Variants in COL22A1 observed in about 807,000 individuals in gnomAD.
COL22A1 encodes collagen type XXII alpha 1 chain.
COL22A1 carries 221 observed loss-of-function variants against 248.9 expected under a neutral mutation model. The observed-to-expected ratio is 0.89, with a 90% CI of 0.80 to 0.99. The LOEUF (loss-of-function observed/expected upper bound fraction) is 0.99. Among genes scored for constraint, COL22A1 ranks in the 50% least tolerant of loss-of-function variants. COL22A1 has a pLI of 0.00. For missense variants in COL22A1, 2,240 were observed against 2,179.0 expected (o/e 1.03, Z -0.56); for synonymous variants, 891 against 793.4 (o/e 1.12, Z -2.07).
At chr8:138,694,983 T>G in intron 32 of COL22A1, 104 bp from the exon 33 acceptor site, 2 of 1,058,650 alleles carry the variant, frequency 1.9e-6, no homozygotes, top group South Asian at 3.1e-5. Context: ...TCCAGTCCTG[T>G]GTATCACCTG....
intron 23 of COL22A1, among the ~76,000 whole-genome samples, chr8:138,730,424 C>T (rs1196358470): frequency 6.6e-6 from 1 of 152,114 alleles, no homozygotes; most frequent in Non-Finnish European, 1.5e-5. Context: ...TGTGTTCTCT[C>T]TGGGGTCTTA....
chr8:138,870,928 TGTGTGTGTGG>T (rs781417215), intron 3 of COL22A1, among the ~76,000 whole-genome samples: 25 of 151,516 alleles, frequency 1.6e-4, no homozygotes, highest in Non-Finnish European at 3.7e-4. Flanking sequence ...GCACGGTGTT[TGTGTGTGTGG>T]GTGTGTGTAG....
intron 1 of COL22A1, among the ~76,000 whole-genome samples, chr8:138,902,733 T>TACACAC (rs1814690510): frequency 1.1e-5 from 1 of 91,566 alleles, no homozygotes; most frequent in African/African-American, 4.2e-5. Context: ...TAAATATATA[T>TACACAC]ATATATACAC....
At chr8:138,617,514 C>T (rs775237616) in intron 53 of COL22A1, among the ~76,000 whole-genome samples, 5 of 152,160 alleles carry the variant, frequency 3.3e-5, no homozygotes, top group Non-Finnish European at 7.3e-5. Flanking sequence ...ACCTGAAGCA[C>T]CACTACAGAG....
At chr8:138,760,389 G>T in intron 17 of COL22A1, 102 bp from the exon 18 acceptor site, 1 of 1,109,992 alleles carries the variant, frequency 9.0e-7, no homozygotes, top group Non-Finnish European at 1.3e-6. Context: ...ACTGTGGCTA[G>T]ACTTTTCTTC....
At chr8:138,615,078 G>T (rs886435732) in intron 55 of COL22A1, among the ~76,000 whole-genome samples, 1 of 152,218 alleles carries the variant, frequency 6.6e-6, no homozygotes, top group Admixed American at 6.5e-5. Context: ...CACCCTGCAG[G>T]ACGCCACATG....
intron 3 of COL22A1, among the ~76,000 whole-genome samples, chr8:138,865,647 G>C (rs1053404802): frequency 6.0e-5 from 9 of 150,776 alleles, no homozygotes; most frequent in African/African-American, 2.2e-4. Flanking sequence ...TTGTATGCTG[G>C]TGTGTGAGTG....
At chr8:138,841,062 C>T (rs1820846025) in intron 4 of COL22A1, among the ~76,000 whole-genome samples, 1 of 152,132 alleles carries the variant, frequency 6.6e-6, no homozygotes, top group Admixed American at 6.6e-5. Context: ...TTCTTTCTCC[C>T]TCCTTTCCTT....
intron 43 of COL22A1, among the ~76,000 whole-genome samples, chr8:138,660,984 A>ACG (rs1823875005): frequency 7.1e-6 from 1 of 141,012 alleles, no homozygotes; most frequent in Non-Finnish European, 1.5e-5. Context: ...ATACACACAC[A>ACG]CATACACACA....
chr8:138,624,646 C>T (rs1016618240), intron 51 of COL22A1, among the ~76,000 whole-genome samples: 1 of 152,182 alleles, frequency 6.6e-6, no homozygotes, highest in Non-Finnish European at 1.5e-5. Flanking sequence ...AAAATTAAAT[C>T]AGTACGTATT....
intron 12 of COL22A1, among the ~76,000 whole-genome samples, chr8:138,790,061 A>G (rs2131578278): frequency 6.6e-6 from 1 of 152,334 alleles, no homozygotes; most frequent in East Asian, 1.9e-4. Flanking sequence ...CAAATATCTC[A>G]TAGTAGCAGA....
chr8:138,782,290 C>T (rs572211805), intron 12 of COL22A1, among the ~76,000 whole-genome samples: 1 of 152,280 alleles, frequency 6.6e-6, no homozygotes, highest in East Asian at 1.9e-4. Context: ...ATGAACATGG[C>T]TCATGCAGCC....
At position 138,724,622 on chromosome 8, in the gene COL22A1, C is replaced by T. The variant is rs867732603; in HGVS notation, c.2240G>A (p.Gly747Glu). Residue 747 changes from glycine (G) to glutamate (E), a missense_variant, in exon 25 of 65, where the codon GGG (glycine) becomes GAG (glutamate). Physicochemically the swap from Gly to Glu is moderately conservative, Grantham distance 98. Transcript: ENST00000303045. ...IGFPGKPGPP[G>E]PTGPPGKDGP... ...ATGTTTCCGAACACTCACCGTGGGCCCAGGAGGTCCAGGCTTTCCCGGGAA... is the reference window on the plus strand; with the variant it reads ...ATGTTTCCGAACACTCACCGTGGGCTCAGGAGGTCCAGGCTTTCCCGGGAA... 2 of 1,614,132 alleles carry T rather than the reference C, an allele frequency of 1.2e-6. No homozygotes were observed. The highest frequency in any genetic ancestry group is 1.7e-6 in the Non-Finnish European group (2 of 1,179,994).
At chr8:138,733,845 A>G (rs1236431549) in intron 23 of COL22A1, among the ~76,000 whole-genome samples, 1 of 152,168 alleles carries the variant, frequency 6.6e-6, no homozygotes, top group Non-Finnish European at 1.5e-5. Flanking sequence ...CTTGCTTGAG[A>G]GTAGGACCCT....
rs1167504847 is a variant in COL22A1, at chr8:138,829,869, G to A, written c.846-3088C>T. Among the ~76,000 whole-genome samples, 3 of 152,018 alleles carry A rather than the reference G, an allele frequency of 2.0e-5. 1 individual carries two copies. The South Asian group carries it at 6.2e-4, about 32-fold the overall frequency. ...AAAAAGTACAGATTTATCTGTTAAT[G>A]ACTTTTTATTCCCCTGATTATAATA... On this transcript the variant is annotated intron_variant, in intron 5 of 64. Coordinates refer to ENST00000303045, the MANE Select transcript of COL22A1 (RefSeq NM_152888.3).
chr8:138,894,589 C>T (rs1160751752), intron 1 of COL22A1, among the ~76,000 whole-genome samples: 1 of 152,112 alleles, frequency 6.6e-6, no homozygotes, highest in Non-Finnish European at 1.5e-5. Flanking sequence ...GGCAGATGGG[C>T]ACTTGAGTCT....
chr8:138,617,075 T>G, intron 53 of COL22A1, 117 bp from the exon 54 acceptor site: 1 of 1,035,128 alleles, frequency 9.7e-7, no homozygotes, highest in Non-Finnish European at 1.5e-6. Flanking sequence ...CTTTACCATT[T>G]GCAGGATACT....
intron 3 of COL22A1, among the ~76,000 whole-genome samples, chr8:138,861,033 A>G (rs1822417077): frequency 6.6e-6 from 1 of 152,028 alleles, no homozygotes; most frequent in Admixed American, 6.5e-5. Flanking sequence ...AGATTTGCTC[A>G]GCTCCTGCTG....
chr8:138,827,588 G>T (rs1255991318), intron 5 of COL22A1, among the ~76,000 whole-genome samples: 3 of 151,986 alleles, frequency 2.0e-5, no homozygotes, highest in Non-Finnish European at 2.9e-5. Context: ...CTGGCCTGTG[G>T]AGCCAGCCTC....
Sources: allele counts gnomAD v4.1 joint callset (sites outside exome capture counted in the v4.1 genomes callset), GRCh38; gene constraint gnomAD v4.1.1; transcripts MANE v1.5; gene names NCBI Gene and HGNC (gene_info 2026-07-23, HGNC 2026-07-21).